The following STK24 variants were observed in gnomAD, a reference collection of about 807,000 sequenced individuals.
STK24 encodes the protein serine/threonine-protein kinase 24.
STK24 carries 21 observed loss-of-function variants against 55.6 expected under a neutral mutation model. That is an observed-to-expected ratio of 0.38 (90% confidence interval 0.27 to 0.54). The LOEUF is 0.54. Among genes scored for constraint, STK24 ranks in the 20% least tolerant of loss-of-function variants. STK24 has a pLI of 0.79. For synonymous variants in STK24, 200 were observed against 215.2 expected (o/e 0.93, Z 0.62); for missense variants, 383 against 538.4 (o/e 0.71, Z 2.86).
At chr13:98,507,257 C>G (rs373763871) in intron 2 of STK24, among the ~76,000 whole-genome samples, 2 of 152,196 alleles carry the variant, frequency 1.3e-5, no homozygotes, top group South Asian at 2.1e-4. Context: ...AGAGGACAAC[C>G]GTCAGGTGCA....
chr13:98,497,423 T>G (rs369877633), intron 2 of STK24, among the ~76,000 whole-genome samples: 3 of 152,200 alleles, frequency 2.0e-5, no homozygotes, highest in African/African-American at 7.2e-5. Flanking sequence ...TCAAAAAGAG[T>G]AAGACACCAA....
At chr13:98,497,818 A>G (rs758370581) in intron 2 of STK24, among the ~76,000 whole-genome samples, 10 of 152,222 alleles carry the variant, frequency 6.6e-5, no homozygotes, top group Non-Finnish European at 1.5e-4. Flanking sequence ...CAATGGAAAA[A>G]CAACAGGGTA....
chr13:98,506,306 G>C (rs1315821767), intron 2 of STK24, among the ~76,000 whole-genome samples: 2 of 152,220 alleles, frequency 1.3e-5, no homozygotes, highest in Non-Finnish European at 2.9e-5. Flanking sequence ...ATAAAATACA[G>C]GTCGTCAGGA....
chr13:98,461,773 C>A lies in STK24; in HGVS notation c.1053+1G>T. ...GGCCATTCTGGAGTGAGCAGACGTACCTTATTTCTGTCCAAGTCCGATGGC... is the reference window on the plus strand; with the variant it reads ...GGCCATTCTGGAGTGAGCAGACGTAACTTATTTCTGTCCAAGTCCGATGGC... On this transcript the variant is annotated splice_donor_variant, in intron 8 of 10. Coordinates refer to ENST00000539966, the MANE Select transcript of STK24 (RefSeq NM_001032296.4). LOFTEE classifies it high-confidence loss of function. 1 of 1,613,954 alleles carries A rather than the reference C, an allele frequency of 6.2e-7. No individual in the cohort carries two copies. Among genetic ancestry groups the A allele is most frequent in the Non-Finnish European group, 8.5e-7 (1 of 1,179,878 alleles).
chr13:98,464,272 A>C (rs868429574), intron 6 of STK24, among the ~76,000 whole-genome samples: 4 of 151,788 alleles, frequency 2.6e-5, no homozygotes, highest in Middle Eastern at 3.4e-3. Context: ...AAAAAAATTT[A>C]GCCGGGCGTG....
chr13:98,525,001 C>T (rs1041376088), intron 1 of STK24, among the ~76,000 whole-genome samples: 3 of 152,252 alleles, frequency 2.0e-5, no homozygotes, highest in African/African-American at 7.2e-5. Context: ...AGGCAGCCAT[C>T]TGCTGAGGCC....
chr13:98,561,598 A>AAAGG (rs1897421258), intron 1 of STK24, among the ~76,000 whole-genome samples: 1 of 152,102 alleles, frequency 6.6e-6, no homozygotes, highest in South Asian at 2.1e-4. Flanking sequence ...AGAAAGAAAG[A>AAAGG]AAGCAGCAAG....
chr13:98,445,619 T>A lies in STK24; in HGVS notation c.*7554A>T, dbSNP rs1439742202. 6.5e-6 allele frequency: 1 copy of A among 154,146 alleles called. No homozygotes were observed. Among genetic ancestry groups the A allele is most frequent in the Non-Finnish European group, 1.4e-5 (1 of 69,422 alleles). The allele number at this position is 154,146 out of a possible 1,614,324, so 9.5% of individuals were successfully genotyped here. Reference sequence around the variant, plus strand: ...GCTCTGAGCTTGTTGGGATGGATCTTTCCCTCCTTCAGCTTCCGCCTGCTG... The same window carrying A: ...GCTCTGAGCTTGTTGGGATGGATCTATCCCTCCTTCAGCTTCCGCCTGCTG... On this transcript the variant is annotated 3_prime_UTR_variant, in exon 11 of 11. Transcript: ENST00000539966.
chr13:98,515,924 T>C (rs954438863), intron 2 of STK24, among the ~76,000 whole-genome samples: 1 of 152,142 alleles, frequency 6.6e-6, no homozygotes, highest in African/African-American at 2.4e-5. Context: ...ACAGGGAGTG[T>C]TTTAAAATGA....
rs1390587778 is a variant in STK24, at chr13:98,446,106, G to A, written c.*7067C>T. On this transcript the variant is annotated 3_prime_UTR_variant, in exon 11 of 11. Transcript: ENST00000539966. Reference sequence around the variant, plus strand: ...GCCTCCTTGCCTTTCAGAATCAGTTGTCTGGAAACCTGCTGAGGAAATTCA... The same window carrying A: ...GCCTCCTTGCCTTTCAGAATCAGTTATCTGGAAACCTGCTGAGGAAATTCA... 2.5e-6 allele frequency: 4 copies of A among 1,613,186 alleles called. No individual in the cohort carries two copies. Among genetic ancestry groups the A allele is most frequent in the Admixed American group, 1.7e-5 (1 of 59,992 alleles).
chr13:98,553,385 A>G (rs1897203619), intron 1 of STK24: 1 of 152,418 alleles, frequency 6.6e-6, no homozygotes, highest in Non-Finnish European at 1.5e-5. Context: ...GCAGAGGTGG[A>G]AGGCCACATC....
intron 2 of STK24, among the ~76,000 whole-genome samples, chr13:98,516,757 A>AGTT (rs1447970013): frequency 6.6e-6 from 1 of 152,250 alleles, no homozygotes; most frequent in Non-Finnish European, 1.5e-5. Flanking sequence ...GAAGGAAAAC[A>AGTT]GCCCACGGAT....
Position 98,447,614 on chromosome 13 carries a change from T to C in STK24, c.*5559A>G, listed in dbSNP as rs1892933729. ...ACCCCTCAGTTGGGACATCTAAAAA[T>C]GTCTCCAGACTTTACCAAATGGGAC... is the stretch of plus-strand genomic sequence containing the variant. On this transcript the variant is annotated 3_prime_UTR_variant, in exon 11 of 11. Transcript: ENST00000539966. The C allele has an allele frequency of 1.3e-5, 2 of 152,494 alleles. No individual in the cohort carries two copies. Among genetic ancestry groups the C allele is most frequent in the Admixed American group, 1.3e-4 (2 of 15,292 alleles). The allele number at this position is 152,494 out of a possible 1,614,324, so 9.4% of individuals were successfully genotyped here.
At position 98,449,324 on chromosome 13, in the gene STK24, C is replaced by T. The variant is rs117771659; in HGVS notation, c.*3849G>A. 1.4e-4 allele frequency: 21 copies of T among 152,270 alleles called. No individual in the cohort carries two copies. The East Asian group carries it at 4.1e-3, about 29-fold the overall frequency. The allele number at this position is 152,270 out of a possible 1,614,324, so 9.4% of individuals were successfully genotyped here. A position where few individuals can be genotyped will look rare whatever the true frequency, so the allele number is the denominator to read the frequency against. ...TATATATCGTGCCTGTCTTCAAAAA[C>T]ATTTCCCTTTTTATACTCATTCCCC... On this transcript the variant is annotated 3_prime_UTR_variant, in exon 11 of 11. Coordinates refer to ENST00000539966, the MANE Select transcript of STK24 (RefSeq NM_001032296.4).
At chr13:98,485,766 C>T (rs939819343) in intron 2 of STK24, among the ~76,000 whole-genome samples, 1 of 152,224 alleles carries the variant, frequency 6.6e-6, no homozygotes, top group African/African-American at 2.4e-5. Flanking sequence ...CATCATTTTG[C>T]GAAGGCGGTT....
chr13:98,540,938 T>TC (rs1566395495), intron 1 of STK24, among the ~76,000 whole-genome samples: 1 of 151,806 alleles, frequency 6.6e-6, no homozygotes, highest in Non-Finnish European at 1.5e-5. Flanking sequence ...CTGAAGAAGC[T>TC]CCCCAGGCCT....
intron 2 of STK24, among the ~76,000 whole-genome samples, chr13:98,503,069 G>A: frequency 8.2e-6 from 1 of 121,652 alleles, no homozygotes; most frequent in African/African-American, 3.2e-5. Flanking sequence ...CCACCAACCA[G>A]TTAAATGTGC....
At chr13:98,461,504 T>G (rs1420893162) in intron 8 of STK24, among the ~76,000 whole-genome samples, 1 of 152,204 alleles carries the variant, frequency 6.6e-6, no homozygotes, top group African/African-American at 2.4e-5. Flanking sequence ...CCCATGACAT[T>G]GCCACATCGG....
chr13:98,539,633 TTA>T (rs1896831529), intron 1 of STK24, among the ~76,000 whole-genome samples: 1 of 152,200 alleles, frequency 6.6e-6, no homozygotes, highest in African/African-American at 2.4e-5. Context: ...TATTTCTCTC[TTA>T]TGTTACCTCA....
Sources: gnomAD v4.1 joint callset for allele counts (sites outside exome capture counted in the v4.1 genomes callset) on GRCh38, gnomAD v4.1.1 for gene constraint, MANE v1.5 for transcripts, NCBI Gene and HGNC (gene_info 2026-07-23, HGNC 2026-07-21) for gene names.